Variants in NPY2R observed in about 807,000 individuals in gnomAD.
NPY2R encodes the protein neuropeptide Y receptor Y2, also known as neuropeptide Y receptor type 2.
NPY2R carries 17 observed loss-of-function variants against 22.3 expected under a neutral mutation model. That is an observed-to-expected ratio of 0.76 (90% confidence interval 0.52 to 1.14). The LOEUF is 1.14. NPY2R is among the 50% of genes most tolerant of loss of function. The probability of loss-of-function intolerance (pLI) is 0.00; values close to 1 mark genes in which losing one functional copy is unlikely to be tolerated. For missense variants in NPY2R, 424 were observed against 467.9 expected (o/e 0.91, Z 0.87); for synonymous variants, 209 against 183.4 (o/e 1.14, Z -1.13).
At chr4:155,175,194 A>T in the NPY2R span, among the ~76,000 whole-genome samples, 1 of 152,188 alleles carries the variant, frequency 6.6e-6, no homozygotes, top group Non-Finnish European at 1.5e-5. Context: ...CATTTGCAAA[A>T]AAACAAGATT....
the NPY2R span, among the ~76,000 whole-genome samples, chr4:155,187,241 T>G: frequency 6.6e-6 from 1 of 152,162 alleles, no homozygotes; most frequent in Non-Finnish European, 1.5e-5. Context: ...TCCTTTCTAG[T>G]GGCCACAAAA....
At chr4:155,210,636 A>C (rs1560763630) in intron 1 of NPY2R, among the ~76,000 whole-genome samples, 2 of 152,110 alleles carry the variant, frequency 1.3e-5, no homozygotes, top group Non-Finnish European at 2.9e-5. Context: ...AGATTTCTCT[A>C]ATTACTAAGG....
the NPY2R span, among the ~76,000 whole-genome samples, chr4:155,182,856 G>A: frequency 3.3e-5 from 5 of 151,946 alleles, no homozygotes; most frequent in Admixed American, 6.6e-5. Flanking sequence ...GCAGTGGCGC[G>A]ATCTTGGCTC....
chr4:155,213,910 G>C lies in NPY2R; in HGVS notation c.-30G>C, dbSNP rs185914818. On this transcript the variant is annotated 5_prime_UTR_variant, in exon 2 of 2. Transcript: ENST00000329476. ...TTTTTAGGTTGTAGACTCTTGTGCT[G>C]GTTGCAGGCCAAGTGGACCTGTACT... The C allele has an allele frequency of 6.3e-7, 1 of 1,585,230 alleles. No homozygotes were observed.
the NPY2R span, among the ~76,000 whole-genome samples, chr4:155,177,144 A>G: frequency 6.6e-6 from 1 of 152,130 alleles, no homozygotes; most frequent in Non-Finnish European, 1.5e-5. Context: ...AGTCTCCAAA[A>G]TGTTAATTCA....
rs1729455610 is a variant in NPY2R, at chr4:155,213,948, A to T, written c.9A>T (p.Pro3=). ...GTGGACCTGTACTGAAAATGGGTCC[A>T]ATAGGTGCAGAGGCTGATGAGAACC... MG[P]IGAEADENQT... The change falls in exon 2 of 2, where the codon CCA becomes CCT. Residue 3 remains proline, a synonymous_variant. Coordinates refer to ENST00000329476, the MANE Select transcript of NPY2R (RefSeq NM_000910.4). 7 of 1,613,894 alleles carry T rather than the reference A, an allele frequency of 4.3e-6. No individual in the cohort carries two copies. Among genetic ancestry groups the T allele is most frequent in the Non-Finnish European group, 5.9e-6 (7 of 1,180,008 alleles).
At chr4:155,189,558 C>A in the NPY2R span, among the ~76,000 whole-genome samples, 1 of 151,912 alleles carries the variant, frequency 6.6e-6, no homozygotes, top group Non-Finnish European at 1.5e-5. Flanking sequence ...TTTGCATGGG[C>A]TAGACTCAAA....
chr4:155,178,667 A>C, the NPY2R span, among the ~76,000 whole-genome samples: 10 of 152,212 alleles, frequency 6.6e-5, no homozygotes, highest in Admixed American at 1.3e-4. Flanking sequence ...TTTGAAACTT[A>C]TTTGAAGCAT....
the NPY2R span, among the ~76,000 whole-genome samples, chr4:155,181,884 T>C: frequency 6.6e-6 from 1 of 152,118 alleles, no homozygotes. Flanking sequence ...TGGTAGTGGG[T>C]CTTTGTAGAG....
At chr4:155,178,356 A>G in the NPY2R span, among the ~76,000 whole-genome samples, 6 of 150,330 alleles carry the variant, frequency 4.0e-5, no homozygotes, top group African/African-American at 1.4e-4. Context: ...ATTTAACTCC[A>G]TCTTTGCTCA....
chr4:155,193,872 CAA>C, the NPY2R span, among the ~76,000 whole-genome samples: 2,340 of 151,998 alleles, frequency 0.015, 23 homozygotes, highest in Middle Eastern at 0.092. Context: ...ACAGATGAAA[CAA>C]ACACAGAACC....
upstream of NPY2R, chr4:155,208,311 G>A (rs1729324122): frequency 6.6e-6 from 1 of 152,286 alleles, no homozygotes; most frequent in Non-Finnish European, 1.5e-5. This position sits in a 1 kb window ranked among gnomAD's most constrained non-coding sequence, Gnocchi z 5.6. Flanking sequence ...GCCTTGCTAG[G>A]GACCGCAGTC....
rs1729529860 is a variant in NPY2R, at chr4:155,216,985, CAT to C, written c.*1905_*1906del. 6.0e-6 allele frequency: 1 copy of C among 166,922 alleles called. No homozygotes were observed. Among genetic ancestry groups the C allele is most frequent in the South Asian group, 2.1e-4 (1 of 4,824 alleles). 10.3% of individuals were successfully genotyped at this position (166,922 alleles called of 1,614,324 possible). A position where few individuals can be genotyped will look rare whatever the true frequency, so the allele number is the denominator to read the frequency against. ...AGAATCCAATTAATGATTCAATTAACATATATCTTATCCAATTCATTATGTCA... is the reference window on the plus strand; with the variant it reads ...AGAATCCAATTAATGATTCAATTAACATATCTTATCCAATTCATTATGTCA... On this transcript the variant is annotated 3_prime_UTR_variant, in exon 2 of 2. Transcript: ENST00000329476.
At chr4:155,195,016 T>G in the NPY2R span, among the ~76,000 whole-genome samples, 1 of 152,014 alleles carries the variant, frequency 6.6e-6, no homozygotes, top group Admixed American at 6.6e-5. Flanking sequence ...CACATGCTTT[T>G]TGGTCATGTG....
rs756079638 is a variant in NPY2R, at chr4:155,214,895, T to C, written c.956T>C (p.Phe319Ser). The C allele has an allele frequency of 1.2e-6, 2 of 1,612,660 alleles. No individual in the cohort carries two copies. Among genetic ancestry groups the C allele is most frequent in the South Asian group, 2.2e-5 (2 of 91,044 alleles). ...VFHIIAMCST[F>S]ANPLLYGWMN... Reference sequence around the variant, plus strand: ...CACATCATCGCCATGTGCTCCACTTTTGCCAATCCCCTTCTCTATGGCTGG... The same window carrying C: ...CACATCATCGCCATGTGCTCCACTTCTGCCAATCCCCTTCTCTATGGCTGG... The change falls in exon 2 of 2, where the codon TTT becomes TCT. Residue 319 changes from phenylalanine to serine, a missense_variant. Phe to Ser is a radical substitution (Grantham distance 155, BLOSUM62 -2). Transcript: ENST00000329476.
At chr4:155,176,252 T>C in the NPY2R span, among the ~76,000 whole-genome samples, 3 of 152,264 alleles carry the variant, frequency 2.0e-5, no homozygotes, top group Non-Finnish European at 4.4e-5. Flanking sequence ...ATTAAAGCCT[T>C]GTCTCAGCGA....
the NPY2R span, among the ~76,000 whole-genome samples, chr4:155,192,515 A>C: frequency 1.6e-3 from 244 of 152,112 alleles, 3 homozygotes; most frequent in African/African-American, 5.6e-3. Context: ...TCTAAAACAA[A>C]AAAGAGTCCA....
At chr4:155,179,835 C>G in the NPY2R span, among the ~76,000 whole-genome samples, 1 of 150,898 alleles carries the variant, frequency 6.6e-6, no homozygotes, top group Admixed American at 6.7e-5. Context: ...TCCATCTCCT[C>G]AAGTCAATAA....
At chr4:155,185,861 G>T in the NPY2R span, among the ~76,000 whole-genome samples, 3 of 151,004 alleles carry the variant, frequency 2.0e-5, no homozygotes, top group Admixed American at 6.6e-5. Context: ...ACCATCTATT[G>T]TAAGAAATAT....
Sources: allele counts gnomAD v4.1 joint callset (sites outside exome capture counted in the v4.1 genomes callset), GRCh38; gene constraint gnomAD v4.1.1; non-coding constraint Gnocchi (gnomAD v3.1); transcripts MANE v1.5; gene names NCBI Gene and HGNC (gene_info 2026-07-23, HGNC 2026-07-21).